SLC26A7: variants seen among roughly 807,000 people sequenced by gnomAD.
The protein encoded by SLC26A7 is anion exchange transporter.
A neutral mutation model predicts 82.5 loss-of-function variants in SLC26A7; 59 were observed. That is an observed-to-expected ratio of 0.72 (90% CI 0.58 to 0.89). SLC26A7 has a LOEUF of 0.89. Ranked by LOEUF, SLC26A7 falls within the 40% of genes least tolerant of loss-of-function variation. The probability of loss-of-function intolerance (pLI) is 0.00; values close to 1 mark genes in which losing one functional copy is unlikely to be tolerated. For synonymous variants in SLC26A7, 271 were observed against 274.3 expected (o/e 0.99, Z 0.12); for missense variants, 820 against 793.0 (o/e 1.03, Z -0.41).
intron 2 of SLC26A7, among the ~76,000 whole-genome samples, chr8:91,281,644 C>T (rs933027697): frequency 6.6e-6 from 1 of 152,042 alleles, no homozygotes; most frequent in African/African-American, 2.4e-5. Flanking sequence ...TGAAAGTTTC[C>T]CAAGCCACTG....
intron 11 of SLC26A7, among the ~76,000 whole-genome samples, chr8:91,353,860 C>A (rs1046038181): frequency 6.6e-6 from 1 of 151,972 alleles, no homozygotes; most frequent in Non-Finnish European, 1.5e-5. Context: ...AAAGAACTAT[C>A]CAGTCTCTCT....
chr8:91,241,842 C>G (rs1266760199), intron 2 of SLC26A7, among the ~76,000 whole-genome samples: 1 of 152,106 alleles, frequency 6.6e-6, no homozygotes, highest in East Asian at 1.9e-4. Flanking sequence ...AAATGATTTT[C>G]ACATTGCTTG....
intron 4 of SLC26A7, 85 bp downstream of exon 4, chr8:91,295,788 A>G (rs1318346204): frequency 1.2e-5 from 17 of 1,400,178 alleles, no homozygotes; most frequent in Non-Finnish European, 1.7e-5. Flanking sequence ...ATTCTTGTTC[A>G]TGAATTTGTC....
intron 2 of SLC26A7, among the ~76,000 whole-genome samples, chr8:91,252,645 T>C (rs933900838): frequency 1.4e-4 from 21 of 152,196 alleles, no homozygotes; most frequent in African/African-American, 4.8e-4. Flanking sequence ...CCCTTCATGC[T>C]AATGAAACTT....
At chr8:91,248,708 G>A (rs1412807145), upstream of SLC26A7, among the ~76,000 whole-genome samples, 1 of 151,990 alleles carries the variant, frequency 6.6e-6, no homozygotes, top group African/African-American at 2.4e-5. Flanking sequence ...AAAAGCTAAG[G>A]ATACTTCAAA....
In SLC26A7 at chr8:91,393,858, G is replaced by T. The variant is rs756514074; in HGVS notation, c.1831+7G>T. 6.2e-7 allele frequency: 1 copy of T among 1,613,660 alleles called. No individual in the cohort carries two copies. The highest frequency in any genetic ancestry group is 1.7e-5 in the Admixed American group (1 of 60,012). ...TTGTTAGCCCATTGTACAGGTAAGA[G>T]AATGTCCCTGACTAACGTTGAATGT... is the stretch of plus-strand genomic sequence containing the variant. On this transcript the variant is annotated splice_region_variant and intron_variant, in intron 17 of 18. Coordinates refer to ENST00000276609, the MANE Select transcript of SLC26A7 (RefSeq NM_052832.4).
intron 2 of SLC26A7, chr8:91,219,029 A>G: frequency 1.5e-6 from 2 of 1,292,916 alleles, no homozygotes; most frequent in Non-Finnish European, 2.2e-6. Context: ...TCATAGCCTC[A>G]CTCCACTTGC....
chr8:91,277,552 T>C (rs955174488), intron 2 of SLC26A7, among the ~76,000 whole-genome samples: 2 of 152,218 alleles, frequency 1.3e-5, no homozygotes, highest in African/African-American at 2.4e-5. Flanking sequence ...GTTTACAATC[T>C]GGCTAAGAGA....
At position 91,364,948 on chromosome 8, in the gene SLC26A7, CTA is replaced by C. The variant is rs1181873673; in HGVS notation, c.1488+1411_1488+1412del. ...TGTATAAAAAATAAGAGGGAGAAAA[CTA>C]AGATAAAGCAAGATTTGAATATAAG... On this transcript the variant is annotated intron_variant, in intron 13 of 18. Coordinates refer to ENST00000276609, the MANE Select transcript of SLC26A7 (RefSeq NM_052832.4). 3.3e-5 allele frequency among the ~76,000 whole-genome samples: 5 copies of C among 152,084 alleles called. No individual in the cohort carries two copies. In the South Asian group the frequency reaches 1.0e-3, roughly 32 times the overall value.
chr8:91,361,209 C>T (rs1366569418), intron 11 of SLC26A7, among the ~76,000 whole-genome samples: 1 of 152,066 alleles, frequency 6.6e-6, no homozygotes, highest in Non-Finnish European at 1.5e-5. Flanking sequence ...ATCACTCAAA[C>T]TCAGTGTAGA....
chr8:91,381,952 T>C (rs756436688), intron 15 of SLC26A7, among the ~76,000 whole-genome samples: 1 of 152,194 alleles, frequency 6.6e-6, no homozygotes, highest in Non-Finnish European at 1.5e-5. Flanking sequence ...TATCTTCATA[T>C]TGTTTTTTAT....
chr8:91,323,385 C>T (rs1274519360), intron 5 of SLC26A7, among the ~76,000 whole-genome samples: 1 of 152,166 alleles, frequency 6.6e-6, no homozygotes, highest in African/African-American at 2.4e-5. Flanking sequence ...ACTCAACCAT[C>T]GTAGGCCAAA....
chr8:91,213,117 T>C (rs867407029), intron 1 of SLC26A7, among the ~76,000 whole-genome samples: 1 of 152,156 alleles, frequency 6.6e-6, no homozygotes, highest in South Asian at 2.1e-4. Flanking sequence ...GAAAATTCCT[T>C]GTGAAATTCA....
At chr8:91,234,781 T>C (rs1187571872) in intron 2 of SLC26A7, among the ~76,000 whole-genome samples, 54 of 119,076 alleles carry the variant, frequency 4.5e-4, no homozygotes, top group Non-Finnish European at 6.0e-4. Context: ...CCTTCCTTCC[T>C]TCCCTCCCTC....
intron 11 of SLC26A7, among the ~76,000 whole-genome samples, chr8:91,357,666 ACCTAGGCAGTACCATT>A (rs1485732085): frequency 6.6e-6 from 1 of 152,196 alleles, no homozygotes; most frequent in Non-Finnish European, 1.5e-5. Flanking sequence ...CTAGAAGAAA[ACCTAGGCAGTACCATT>A]CAGGACATAG....
At chr8:91,231,086 A>G (rs1312735423) in intron 2 of SLC26A7, among the ~76,000 whole-genome samples, 1 of 152,212 alleles carries the variant, frequency 6.6e-6, no homozygotes, top group East Asian at 1.9e-4. Flanking sequence ...GGTGCCAAGT[A>G]GCAAGGTAAG....
upstream of SLC26A7, among the ~76,000 whole-genome samples, chr8:91,247,935 G>C (rs1810569494): frequency 6.6e-6 from 1 of 152,124 alleles, no homozygotes; most frequent in Non-Finnish European, 1.5e-5. Flanking sequence ...ATCAGTGTAT[G>C]TATAGCTTCT....
At chr8:91,336,768 G>A (rs1045387028) in intron 6 of SLC26A7, among the ~76,000 whole-genome samples, 6 of 152,088 alleles carry the variant, frequency 3.9e-5, no homozygotes, top group African/African-American at 1.4e-4. Flanking sequence ...ACACTGAAAG[G>A]CTAATTCAGT....
chr8:91,245,298 C>T (rs1019118674), upstream of SLC26A7, among the ~76,000 whole-genome samples: 3 of 152,166 alleles, frequency 2.0e-5, no homozygotes, highest in Non-Finnish European at 4.4e-5. Context: ...AAATTGGAAT[C>T]GGTTATTTTT....
Sources: allele counts gnomAD v4.1 joint callset (sites outside exome capture counted in the v4.1 genomes callset), GRCh38; gene constraint gnomAD v4.1.1; transcripts MANE v1.5; gene names NCBI Gene and HGNC (gene_info 2026-07-23, HGNC 2026-07-21).